The following PTK2 variants were observed in gnomAD, a reference collection of about 807,000 sequenced individuals.
The protein encoded by PTK2 is focal adhesion kinase 1.
PTK2 carries 45 observed loss-of-function variants against 150.1 expected under a neutral mutation model. That is an observed-to-expected ratio of 0.30 (90% CI 0.24 to 0.38). The LOEUF (loss-of-function observed/expected upper bound fraction) is 0.38, where lower values mean the gene tolerates loss of function less well. Ranked by LOEUF, PTK2 falls within the 10% of genes least tolerant of loss-of-function variation. The pLI is 1.00. For missense variants in PTK2, 919 were observed against 1,307.3 expected, an observed-to-expected ratio of 0.70 and a Z score of 4.58; for synonymous variants, 432 against 449.2, an observed-to-expected ratio of 0.96 and a Z score of 0.48.
intron 8 of PTK2, among the ~76,000 whole-genome samples, chr8:140,823,933 C>G (rs2100110386): frequency 1.3e-5 from 2 of 152,346 alleles, no homozygotes; most frequent in Admixed American, 6.5e-5. Context: ...CAACAACTCT[C>G]TACCCTCTGC....
rs111899348 is a variant in PTK2 at position 140,747,976 on chromosome 8, G to A, written c.1418-1116C>T. ...AATCACTCCTGACTGGTGAATTGCT[G>A]GGGGAGGAGGTGAAATGGGATTAAA... is the stretch of plus-strand genomic sequence containing the variant. On this transcript the variant is annotated intron_variant, in intron 17 of 31. Transcript: ENST00000522684. Among the ~76,000 whole-genome samples, 706 of 152,114 alleles carry A rather than the reference G, an allele frequency of 4.6e-3. 9 individuals carry two copies. The highest frequency in any genetic ancestry group is 0.015 in the African/African-American group (639 of 41,496).
chr8:140,662,619 G>T (rs1445369141), intron 31 of PTK2: 4 of 501,296 alleles, frequency 8.0e-6, no homozygotes, highest in Non-Finnish European at 1.5e-5. Context: ...AAGTTAAAGG[G>T]TTTATGCATA....
At chr8:140,667,745 T>A (rs2093188903) in intron 30 of PTK2, among the ~76,000 whole-genome samples, 1 of 152,228 alleles carries the variant, frequency 6.6e-6, no homozygotes, top group Non-Finnish European at 1.5e-5. Context: ...AACACCCACA[T>A]ACCCAACCCT....
chr8:140,738,737 CCT>C (rs1221868312), intron 21 of PTK2, among the ~76,000 whole-genome samples: 16 of 152,016 alleles, frequency 1.1e-4, no homozygotes, highest in Non-Finnish European at 2.2e-4. Flanking sequence ...AAAATATCCC[CCT>C]GTGAGGAAAG....
chr8:140,773,516 A>T (rs1313618546), intron 14 of PTK2, among the ~76,000 whole-genome samples: 1 of 152,108 alleles, frequency 6.6e-6, no homozygotes, highest in African/African-American at 2.4e-5. Flanking sequence ...CCAGGAGGAG[A>T]GGGAAAGGGC....
chr8:140,710,070 T>C (rs1365992344), intron 23 of PTK2, among the ~76,000 whole-genome samples: 1 of 152,110 alleles, frequency 6.6e-6, no homozygotes, highest in Non-Finnish European at 1.5e-5. Context: ...TCTCAGCACT[T>C]TGGAAGGCTG....
chr8:140,987,829 G>A (rs998572590), intron 1 of PTK2, among the ~76,000 whole-genome samples: 1 of 152,160 alleles, frequency 6.6e-6, no homozygotes, highest in Admixed American at 6.5e-5. Flanking sequence ...GATTGCTTGA[G>A]CACAGGAGTT....
intron 2 of PTK2, chr8:140,921,191 T>C: frequency 9.5e-7 from 1 of 1,055,130 alleles, no homozygotes; most frequent in Non-Finnish European, 1.2e-6. Context: ...ACCAGCTTAG[T>C]AATGTGACCC....
At chr8:140,931,825 T>C (rs1389389542) in intron 1 of PTK2, among the ~76,000 whole-genome samples, 1 of 140,504 alleles carries the variant, frequency 7.1e-6, no homozygotes, top group African/African-American at 2.7e-5. Flanking sequence ...AGTCCCAGCC[T>C]GGGAGGCTGA....
chr8:140,830,354 T>C (rs2100114654), intron 8 of PTK2, 118 bp downstream of exon 8: 6 of 649,054 alleles, frequency 9.2e-6, no homozygotes, highest in South Asian at 3.9e-5. Context: ...TTTTAAATTA[T>C]ATATTTTACA....
At chr8:140,952,940 T>C (rs1042949893) in intron 1 of PTK2, among the ~76,000 whole-genome samples, 3 of 152,210 alleles carry the variant, frequency 2.0e-5, no homozygotes, top group Admixed American at 1.3e-4. Context: ...TGGCACCAAA[T>C]AATCATTGCT....
chr8:140,676,413 A>T (rs564432094), intron 27 of PTK2, among the ~76,000 whole-genome samples: 13 of 99,450 alleles, frequency 1.3e-4, no homozygotes, highest in African/African-American at 5.2e-4. Context: ...TTAATTAATT[A>T]ATATATATAT....
chr8:140,892,622 A>C (rs1370657646), intron 2 of PTK2: 1 of 452,842 alleles, frequency 2.2e-6, no homozygotes, highest in Non-Finnish European at 4.4e-6. Context: ...CATCCAAATC[A>C]TTCTCCAATT....
At chr8:140,849,918 A>G (rs72683773) in intron 5 of PTK2, among the ~76,000 whole-genome samples, 26,151 of 152,194 alleles carry the variant, frequency 0.17, 2,682 homozygotes, top group East Asian at 0.48. Context: ...CAGTGCAGTC[A>G]TTCTCTACTA....
chr8:140,812,062 A>G (rs977323653), intron 10 of PTK2, among the ~76,000 whole-genome samples: 1 of 152,222 alleles, frequency 6.6e-6, no homozygotes, highest in Non-Finnish European at 1.5e-5. Flanking sequence ...GGAAAGGCAG[A>G]GTAAGATACT....
intron 7 of PTK2, among the ~76,000 whole-genome samples, chr8:140,834,054 G>T (rs2100117167): frequency 6.6e-6 from 1 of 152,216 alleles, no homozygotes; most frequent in Non-Finnish European, 1.5e-5. Flanking sequence ...CATTTCAAGT[G>T]ATGAGCAGTC....
chr8:140,750,177 A>G (rs2100061869), intron 17 of PTK2: 1 of 152,222 alleles, frequency 6.6e-6, no homozygotes, highest in African/African-American at 2.4e-5. Context: ...ACTAAGACTT[A>G]ATTAATGTAG....
chr8:140,800,236 A>G (rs1342187901), intron 12 of PTK2, among the ~76,000 whole-genome samples: 4 of 152,142 alleles, frequency 2.6e-5, no homozygotes, highest in Admixed American at 1.3e-4. Context: ...AACACAGACA[A>G]TGTTTTTTTT....
intron 20 of PTK2, among the ~76,000 whole-genome samples, chr8:140,742,514 A>G (rs1430595763): frequency 6.6e-6 from 1 of 152,222 alleles, no homozygotes; most frequent in East Asian, 1.9e-4. Flanking sequence ...GTTTCTCTGC[A>G]TCTTTGCCAG....
Sources: gnomAD v4.1 joint callset for allele counts (sites outside exome capture counted in the v4.1 genomes callset) on GRCh38, gnomAD v4.1.1 for gene constraint, MANE v1.5 for transcripts, NCBI Gene and HGNC (gene_info 2026-07-23, HGNC 2026-07-21) for gene names.